ZNF444: variants seen among roughly 807,000 people sequenced by gnomAD.
ZNF444 encodes the protein endothelial zinc finger protein 2.
A neutral mutation model predicts 14.4 loss-of-function variants in ZNF444; 8 were observed. The observed-to-expected ratio is 0.56, with a 90% CI of 0.33 to 1.00. The LOEUF is 1.00. Among genes scored for constraint, ZNF444 ranks in the 50% least tolerant of loss-of-function variants. The pLI is 0.03. For synonymous variants in ZNF444, 258 were observed against 235.9 expected, an observed-to-expected ratio of 1.09 and a Z score of -0.86; for missense variants, 510 against 504.8, an observed-to-expected ratio of 1.01 and a Z score of -0.10.
chr19:56,142,054 C>T (rs773633070), intron 1 of ZNF444, among the ~76,000 whole-genome samples: 2 of 152,094 alleles, frequency 1.3e-5, no homozygotes, highest in African/African-American at 2.4e-5. Flanking sequence ...AAGTTGACCC[C>T]CGCCACCTCT....
chr19:56,133,648 T>C (rs1484443607), intron 1 of ZNF444, among the ~76,000 whole-genome samples: 2 of 150,000 alleles, frequency 1.3e-5, no homozygotes, highest in East Asian at 2.0e-4. Context: ...CCGTCTCTAC[T>C]AAAAATACAA....
chr19:56,139,244 C>T (rs188698700), upstream of ZNF444, among the ~76,000 whole-genome samples: 123 of 151,862 alleles, frequency 8.1e-4, no homozygotes, highest in African/African-American at 2.8e-3. Context: ...GCAGAAGAGG[C>T]GAGAGTGGAA....
chr19:56,154,522 C>T (rs73617512), intron 3 of ZNF444: 20,348 of 151,962 alleles, frequency 0.13, 1,896 homozygotes, highest in African/African-American at 0.26. Flanking sequence ...CAGGCTGGTC[C>T]CTTTTACACA....
At chr19:56,152,331 CAAA>C (rs1162528500) in intron 3 of ZNF444, among the ~76,000 whole-genome samples, 9 of 80,682 alleles carry the variant, frequency 1.1e-4, no homozygotes, top group South Asian at 3.7e-4. Flanking sequence ...GACTCTGTCT[CAAA>C]AAAAAAAAAA....
chr19:56,137,077 C>A (rs551688457), upstream of ZNF444, among the ~76,000 whole-genome samples: 192 of 151,306 alleles, frequency 1.3e-3, no homozygotes, highest in African/African-American at 4.5e-3. Flanking sequence ...GCCACTGTGC[C>A]CAGCCGAGAA....
Position 56,152,483 on chromosome 19 carries a change from G to GTT in ZNF444, c.297+5290_297+5291dup, listed in dbSNP as rs113205489. 1.3e-4 allele frequency among the ~76,000 whole-genome samples: 16 copies of GTT among 122,566 alleles called. No homozygotes were observed. The East Asian group carries it at 3.5e-3, about 27-fold the overall frequency. The allele number at this position is 122,566 out of a possible 152,430, so 80.4% of individuals were successfully genotyped here. A position where few individuals can be genotyped will look rare whatever the true frequency, so the allele number is the denominator to read the frequency against. Reference sequence around the variant, plus strand: ...ACATTTGGGTTGATTCCAGGGTTTTGTTTTTTTTTTTTTTTTAATAGAGCT... The same window carrying GTT: ...ACATTTGGGTTGATTCCAGGGTTTTGTTTTTTTTTTTTTTTTTTAATAGAGCT... On this transcript the variant is annotated intron_variant, in intron 3 of 4. Coordinates refer to ENST00000337080, the MANE Select transcript of ZNF444 (RefSeq NM_018337.4).
chr19:56,138,078 G>A (rs2030651783), upstream of ZNF444, among the ~76,000 whole-genome samples: 1 of 151,520 alleles, frequency 6.6e-6, no homozygotes, highest in Non-Finnish European at 1.5e-5. Context: ...GAGCTGAGAT[G>A]GAACCATTGC....
chr19:56,152,112 A>G (rs796546637), intron 3 of ZNF444, among the ~76,000 whole-genome samples: 55 of 152,246 alleles, frequency 3.6e-4, no homozygotes, highest in African/African-American at 1.3e-3. Flanking sequence ...TGGGCAGATC[A>G]CCTGAGGTCA....
intron 1 of ZNF444, 53 bp from the exon 2 acceptor site, chr19:56,146,194 C>G (rs1165474323): frequency 6.5e-6 from 1 of 153,112 alleles, no homozygotes; most frequent in East Asian, 1.9e-4. Context: ...TGGTGACCTG[C>G]TGCTGCCAGG....
At chr19:56,135,961 A>G (rs2123452337) in intron 1 of ZNF444, among the ~76,000 whole-genome samples, 1 of 150,940 alleles carries the variant, frequency 6.6e-6, no homozygotes, top group Middle Eastern at 3.5e-3. Context: ...GCGTGCCTGT[A>G]ATCCCAGCCA....
rs1489607264 is a variant in ZNF444 at position 56,147,089 on chromosome 19, T to C, written c.178T>C (p.Leu60=). Residue 60 remains leucine, a synonymous_variant, in exon 3 of 5, where the codon TTG becomes CTG. Coordinates refer to ENST00000337080, the MANE Select transcript of ZNF444 (RefSeq NM_018337.4). This position sits in a 1 kb window ranked among gnomAD's most constrained non-coding sequence, Gnocchi z 5.9. ...CGAGGTGCACACCAAGGAGCAGATG[T>C]TGGAGCTGCTGGTGCTGGAACAGTT... ...RPEVHTKEQM[L]ELLVLEQFLS... 15 of 1,589,240 alleles carry C rather than the reference T, an allele frequency of 9.4e-6. No individual in the cohort carries two copies. The highest frequency in any genetic ancestry group is 1.2e-5 in the Non-Finnish European group (14 of 1,170,822).
chr19:56,156,258 C>G (rs968616464), intron 3 of ZNF444: 2 of 152,250 alleles, frequency 1.3e-5, no homozygotes, highest in African/African-American at 2.4e-5. Context: ...TCCACCTCCA[C>G]GAGTTCAGCT....
upstream of ZNF444, among the ~76,000 whole-genome samples, chr19:56,138,263 T>A (rs1304673592): frequency 5.3e-5 from 8 of 152,072 alleles, no homozygotes; most frequent in Admixed American, 5.2e-4. Context: ...TTCTGCCAAG[T>A]TAAATAAGTC....
At position 56,144,867 on chromosome 19, in the gene ZNF444, T is replaced by G. The variant is rs955744033; in HGVS notation, c.-196-1380T>G. ...AGGTGTTCTGGGGCGGGCTGGCGCCTGAGCCCCATGGGGTCATCAGGGTCC... is the reference window on the plus strand; with the variant it reads ...AGGTGTTCTGGGGCGGGCTGGCGCCGGAGCCCCATGGGGTCATCAGGGTCC... On this transcript the variant is annotated intron_variant, in intron 1 of 4. Coordinates refer to ENST00000337080, the MANE Select transcript of ZNF444 (RefSeq NM_018337.4). This position sits in a 1 kb window ranked among gnomAD's most constrained non-coding sequence, Gnocchi z 4.0. Among the ~76,000 whole-genome samples the G allele has an allele frequency of 2.0e-5, 3 of 152,258 alleles. No individual in the cohort carries two copies. Among genetic ancestry groups the G allele is most frequent in the Non-Finnish European group, 4.4e-5 (3 of 68,048 alleles).
rs1195190229 is a variant in ZNF444 at position 56,160,184 on chromosome 19, C to T, written c.967C>T (p.Pro323Ser). The change falls in exon 5 of 5, where the codon CCC (proline) becomes TCC (serine). Residue 323 changes from proline (P) to serine (S), a missense_variant. Transcript: ENST00000337080. ...PGPDGGGPFP[P>S]WPLG Reference sequence around the variant, plus strand: ...CCCGGATGGTGGAGGCCCCTTCCCGCCCTGGCCCTTGGGTTAGCCGCCTCC... The same window carrying T: ...CCCGGATGGTGGAGGCCCCTTCCCGTCCTGGCCCTTGGGTTAGCCGCCTCC... 10 of 1,465,242 alleles carry T rather than the reference C, an allele frequency of 6.8e-6. No individual in the cohort carries two copies. In the Admixed American group the frequency reaches 7.8e-5, roughly 11 times the overall value. 90.8% of individuals were successfully genotyped at this position (1,465,242 alleles called of 1,614,324 possible).
chr19:56,136,795 T>G (rs1382218410), upstream of ZNF444, among the ~76,000 whole-genome samples: 2 of 152,034 alleles, frequency 1.3e-5, no homozygotes, highest in African/African-American at 4.8e-5. Flanking sequence ...TTTTTTTCTT[T>G]TTTTAGACGG....
upstream of ZNF444, among the ~76,000 whole-genome samples, chr19:56,138,960 C>T (rs2030675013): frequency 6.6e-6 from 1 of 151,824 alleles, no homozygotes; most frequent in East Asian, 1.9e-4. Context: ...CCATGCCCAG[C>T]TAATTTTTGT....
intron 3 of ZNF444, among the ~76,000 whole-genome samples, chr19:56,152,489 T>G (rs570644665): frequency 0.031 from 4,638 of 151,878 alleles, 259 homozygotes; most frequent in African/African-American, 0.1. Context: ...TTTTGTTTTT[T>G]TTTTTTTTTT....
In ZNF444 at chr19:56,159,802, G is replaced by T. The variant is rs750705893; in HGVS notation, c.585G>T (p.Leu195=). 1.8e-5 allele frequency: 29 copies of T among 1,587,526 alleles called. No individual in the cohort carries two copies. In the South Asian group the frequency reaches 3.3e-4, roughly 18 times the overall value. The change falls in exon 5 of 5, where the codon CTG becomes CTT. Residue 195 remains leucine, a synonymous_variant. Coordinates refer to ENST00000337080, the MANE Select transcript of ZNF444 (RefSeq NM_018337.4). The part of the protein sequence containing the change: ...GKTSLKPAHL[L]RHRQSHSGEK... ...CGTCCCTGAAACCAGCTCACCTGCTGCGCCACCGGCAGAGCCACTCGGGCG... is the reference window on the plus strand; with the variant it reads ...CGTCCCTGAAACCAGCTCACCTGCTTCGCCACCGGCAGAGCCACTCGGGCG...
Sources: gnomAD v4.1 joint callset for allele counts (sites outside exome capture counted in the v4.1 genomes callset) on GRCh38, gnomAD v4.1.1 for gene constraint, Gnocchi (gnomAD v3.1) non-coding constraint, MANE v1.5 for transcripts, NCBI Gene and HGNC (gene_info 2026-07-23, HGNC 2026-07-21) for gene names.